The following ZNF594 variants were observed in gnomAD, a reference collection of about 807,000 sequenced individuals.
ZNF594 encodes zinc finger protein 594, also known as zinc finger protein HZF18.
For missense variants in ZNF594, 1,037 were observed against 964.6 expected (o/e 1.08, Z -0.99); for synonymous variants, 336 against 309.4 (o/e 1.09, Z -0.90).
At chr17:5,175,355 C>T (rs2074299822), downstream of ZNF594, among the ~76,000 whole-genome samples, 1 of 152,194 alleles carries the variant, frequency 6.6e-6, no homozygotes, top group Non-Finnish European at 1.5e-5. Flanking sequence ...TGCTAGCAAT[C>T]TAGGTTGTGT....
intron 1 of ZNF594, among the ~76,000 whole-genome samples, chr17:5,186,462 C>T (rs2074387214): frequency 6.6e-6 from 1 of 152,252 alleles, no homozygotes. Flanking sequence ...TCTCCTAGGC[C>T]TCCAGGCCTG....
At position 5,180,839 on chromosome 17, in the gene ZNF594, T is replaced by C. The variant is rs573360556; in HGVS notation, c.*994A>G. The C allele has an allele frequency of 8.9e-5, 37 of 415,220 alleles. No individual in the cohort carries two copies. Among genetic ancestry groups the C allele is most frequent in the African/African-American group, 7.3e-4 (36 of 49,330 alleles). 25.7% of individuals were successfully genotyped at this position (415,220 alleles called of 1,614,324 possible). ...TAGGTATTTTCTCTGCTTTCCCACC[T>C]TCCCATGGTTTTTTTCTAATAAAAC... On this transcript the variant is annotated 3_prime_UTR_variant, in exon 2 of 2. Coordinates refer to ENST00000575779, the MANE Select transcript of ZNF594 (RefSeq NM_032530.2).
downstream of ZNF594, chr17:5,174,874 AAT>A (rs1280818114): frequency 2.1e-5 from 4 of 191,358 alleles, no homozygotes; most frequent in East Asian, 8.4e-5. Context: ...GTGTAAATAA[AAT>A]AGTGTTGATG....
At chr17:5,187,887 C>CA (rs2074395669) in intron 1 of ZNF594, among the ~76,000 whole-genome samples, 1 of 132,548 alleles carries the variant, frequency 7.5e-6, no homozygotes, top group African/African-American at 2.8e-5. Context: ...GCTGGATTTC[C>CA]TTTTTTTTTT....
In ZNF594 at chr17:5,179,729, C is replaced by T. The variant is rs2074325735; in HGVS notation, c.*2104G>A. On this transcript the variant is annotated 3_prime_UTR_variant, in exon 2 of 2. Transcript: ENST00000575779. ...AGCCTAACATAGACGATATGTTTGC[C>T]CACAAAAGGAATAAAAAGACTAATG... The T allele has an allele frequency of 6.6e-6, 1 of 151,912 alleles. No individual in the cohort carries two copies. Among genetic ancestry groups the T allele is most frequent in the East Asian group, 1.9e-4 (1 of 5,140 alleles). The allele number at this position is 151,912 out of a possible 1,614,324, so 9.4% of individuals were successfully genotyped here. A position where few individuals can be genotyped will look rare whatever the true frequency, so the allele number is the denominator to read the frequency against.
rs746268777 is a variant in ZNF594, at chr17:5,181,735, C to G, written c.*98G>C. On this transcript the variant is annotated 3_prime_UTR_variant, in exon 2 of 2. Transcript: ENST00000575779. ...CATTCACTACATTCATGAGGTTTCT[C>G]TCCAGTATGAACACGATGGTGTTTA... 8.8e-6 allele frequency: 14 copies of G among 1,593,676 alleles called. No homozygotes were observed. In the Admixed American group the frequency reaches 2.3e-4, roughly 27 times the overall value.
At position 5,181,944 on chromosome 17, in the gene ZNF594, C is replaced by G. The variant is rs772863436; in HGVS notation, c.2313G>C (p.Gln771His). Reference protein sequence around the residue: ...YWCNQCSRTFQGSSDLIRHQV... With the variant: ...YWCNQCSRTFHGSSDLIRHQV... Reference sequence around the variant, plus strand: ...GATGTCTGATGAGATCTGAGCTGCCCTGGAAGGTCCTACTACACTGATTAC... The same window carrying G: ...GATGTCTGATGAGATCTGAGCTGCCGTGGAAGGTCCTACTACACTGATTAC... The change falls in exon 2 of 2, where the codon CAG becomes CAC. Residue 771 changes from glutamine to histidine, a missense_variant. Physicochemically the swap from Gln to His is conservative, Grantham distance 24. Transcript: ENST00000575779. 6.2e-7 allele frequency: 1 copy of G among 1,613,842 alleles called. No individual in the cohort carries two copies. The highest frequency in any genetic ancestry group is 8.5e-7 in the Non-Finnish European group (1 of 1,180,004).
At position 5,182,660 on chromosome 17, in the gene ZNF594, T is replaced by A; in HGVS notation, c.1597A>T (p.Lys533Ter). The change falls in exon 2 of 2, where the codon AAA becomes TAA. Residue 533 changes from lysine to a stop codon, truncating the protein, a stop_gained. Transcript: ENST00000575779. LOFTEE classifies it low-confidence loss of function (END_TRUNC). The part of the protein sequence containing the change: ...KLFIWRTAFL[K>*]HQSLHTGEKL... ...TCTCCAGTATGCAGGCTCTGATGTT[T>A]GAGGAAAGCTGTGCGCCAAATGAAG... 6.2e-7 allele frequency: 1 copy of A among 1,614,102 alleles called. No individual in the cohort carries two copies.
At chr17:5,190,128 A>T (rs1313841943) in intron 1 of ZNF594, among the ~76,000 whole-genome samples, 1 of 152,212 alleles carries the variant, frequency 6.6e-6, no homozygotes, top group African/African-American at 2.4e-5. Context: ...GCACTTTGGG[A>T]GGCTGAGGCA....
the ZNF594 span, chr17:5,174,116 A>AT: frequency 3.5e-5 from 7 of 201,588 alleles, no homozygotes; most frequent in Non-Finnish European, 6.1e-5. Flanking sequence ...TTTTATTTTG[A>AT]TATTTGTCTT....
chr17:5,185,108 CAAGA>C lies in ZNF594; in HGVS notation c.-20-836_-20-833del, dbSNP rs536393065. On this transcript the variant is annotated intron_variant, in intron 1 of 1. Transcript: ENST00000575779. ...GGCAATTTGATTTCTTCTGAAATTA[CAAGA>C]TAGATGAGCTTATTGCTTTTGAGGG... Among the ~76,000 whole-genome samples, 10 of 152,304 alleles carry C rather than the reference CAAGA, an allele frequency of 6.6e-5. 1 individual carries two copies. The South Asian group carries it at 1.7e-3, about 25-fold the overall frequency.
At position 5,183,136 on chromosome 17, in the gene ZNF594, T is replaced by C. The variant is rs764964358; in HGVS notation, c.1121A>G (p.Lys374Arg). 1.2e-5 allele frequency: 20 copies of C among 1,614,068 alleles called. No homozygotes were observed. Among genetic ancestry groups the C allele is most frequent in the African/African-American group, 2.7e-5 (2 of 74,936 alleles). The change falls in exon 2 of 2, where the codon AAA (lysine) becomes AGA (arginine). Residue 374 changes from lysine (K) to arginine (R), a missense_variant. Physicochemically the swap from Lys to Arg is conservative, Grantham distance 26. Transcript: ENST00000575779. ...REEQRIHQEE[K>R]AYWCNQCGRN... ...ACCACACTGATTACACCAATAAGCT[T>C]TCTCTTCCTGGTGAATTCTCTGCTC... is the stretch of plus-strand genomic sequence containing the variant.
rs751384073 is a variant in ZNF594 at position 5,181,710 on chromosome 17, C to A, written c.*123G>T. On this transcript the variant is annotated 3_prime_UTR_variant, in exon 2 of 2. Transcript: ENST00000575779. Reference sequence around the variant, plus strand: ...GGACCTCTGGCTAAAGACTTTCCCACATTCACTACATTCATGAGGTTTCTC... The same window carrying A: ...GGACCTCTGGCTAAAGACTTTCCCAAATTCACTACATTCATGAGGTTTCTC... The A allele has an allele frequency of 6.3e-7, 1 of 1,581,942 alleles. No homozygotes were observed. Among genetic ancestry groups the A allele is most frequent in the East Asian group, 2.2e-5 (1 of 44,692 alleles).
chr17:5,188,667 G>A (rs1393544967), intron 1 of ZNF594, among the ~76,000 whole-genome samples: 2 of 151,034 alleles, frequency 1.3e-5, no homozygotes, highest in African/African-American at 4.9e-5. Flanking sequence ...AGAAATTTCA[G>A]ACAAAATAAC....
downstream of ZNF594, among the ~76,000 whole-genome samples, chr17:5,176,657 G>A (rs1331615953): frequency 5.9e-5 from 9 of 151,700 alleles, no homozygotes; most frequent in African/African-American, 1.5e-4. Context: ...AGGTCAATGC[G>A]GCTGCAGACA....
chr17:5,176,172 G>C (rs996375398), downstream of ZNF594, among the ~76,000 whole-genome samples: 1 of 152,154 alleles, frequency 6.6e-6, no homozygotes, highest in African/African-American at 2.4e-5. Context: ...AAGGCAGGCG[G>C]ATCACCTAAG....
chr17:5,182,209 C>G lies in ZNF594; in HGVS notation c.2048G>C (p.Ser683Thr), dbSNP rs778450555. Residue 683 changes from serine to threonine, a missense_variant, in exon 2 of 2, where the codon AGT (serine) becomes ACT (threonine). By Grantham distance (58) the Ser-to-Thr change is moderately conservative. Coordinates refer to ENST00000575779, the MANE Select transcript of ZNF594 (RefSeq NM_032530.2). ...CCGCCTGAAGGCATTCCCACATTCA[C>G]TGCACTGATAGGGTTTCTCTCCAGT... Reference protein sequence around the residue: ...IHTGEKPYQCSECGNAFRRRS... With the variant: ...IHTGEKPYQCTECGNAFRRRS... The G allele has an allele frequency of 2.6e-5, 42 of 1,612,590 alleles. No homozygotes were observed. The highest frequency in any genetic ancestry group is 3.6e-5 in the Non-Finnish European group (42 of 1,179,690).
Position 5,182,944 on chromosome 17 carries a change from C to T in ZNF594, c.1313G>A (p.Gly438Glu). 1 of 1,614,016 alleles carries T rather than the reference C, an allele frequency of 6.2e-7. No individual in the cohort carries two copies. Among genetic ancestry groups the T allele is most frequent in the Middle Eastern group, 1.6e-4 (1 of 6,062 alleles). Residue 438 changes from glycine to glutamate, a missense_variant, in exon 2 of 2, where the codon GGG becomes GAG. Transcript: ENST00000575779. Reference sequence around the variant, plus strand: ...ATCTGAGCTGCCCCTAAAAGATTTCCCACATTTGCTACATACACAAGGTTT... The same window carrying T: ...ATCTGAGCTGCCCCTAAAAGATTTCTCACATTTGCTACATACACAAGGTTT... ...GEKPCVCSKC[G>E]KSFRGSSDLI...
At chr17:5,189,386 T>A (rs1567829099) in intron 1 of ZNF594, among the ~76,000 whole-genome samples, 1 of 151,652 alleles carries the variant, frequency 6.6e-6, no homozygotes, top group South Asian at 2.1e-4. Context: ...TAGCTGGGAT[T>A]ACAGGCATGC....
Sources: allele counts gnomAD v4.1 joint callset (sites outside exome capture counted in the v4.1 genomes callset), GRCh38; gene constraint gnomAD v4.1.1; transcripts MANE v1.5; gene names NCBI Gene and HGNC (gene_info 2026-07-23, HGNC 2026-07-21).